The following RSRC1 variants were observed in gnomAD, a reference collection of about 807,000 sequenced individuals.
RSRC1 encodes serine/Arginine-related protein 53.
Under a neutral mutation model 49.1 loss-of-function variants are expected in RSRC1, and 39 were observed. That is an observed-to-expected ratio of 0.79 (90% CI 0.61 to 1.04). The LOEUF is 1.04. RSRC1 is among the 50% of genes least tolerant of loss of function. The pLI is 0.00. For synonymous variants in RSRC1, 143 were observed against 130.8 expected (o/e 1.09, Z -0.63); for missense variants, 388 against 402.4 (o/e 0.96, Z 0.31).
intron 4 of RSRC1, among the ~76,000 whole-genome samples, chr3:158,235,556 A>G (rs1295851711): frequency 6.6e-6 from 1 of 152,210 alleles, no homozygotes; most frequent in Non-Finnish European, 1.5e-5. Context: ...TGCATATGCT[A>G]TGGCATATGT....
At chr3:158,349,227 T>G (rs1459427227) in intron 5 of RSRC1, among the ~76,000 whole-genome samples, 2 of 152,206 alleles carry the variant, frequency 1.3e-5, no homozygotes, top group Non-Finnish European at 2.9e-5. Flanking sequence ...CCATGTTAAC[T>G]AACGTCTGTT....
intron 6 of RSRC1, among the ~76,000 whole-genome samples, chr3:158,422,440 G>A (rs1218769730): frequency 5.3e-5 from 8 of 151,590 alleles, no homozygotes; most frequent in Non-Finnish European, 1.2e-4. Context: ...ATTCCATGGT[G>A]TATATGTGCC....
rs372696192 is a variant in RSRC1, at chr3:158,396,941, T to C, written c.583+42033T>C. On this transcript the variant is annotated intron_variant, in intron 6 of 9. Coordinates refer to ENST00000611884, the MANE Select transcript of RSRC1 (RefSeq NM_001271838.2). ...ATACCTTTATTAACCCCATTTTACA[T>C]ATGAGAAAACAACAGTTTAGAAAGG... Among the ~76,000 whole-genome samples the C allele has an allele frequency of 7.2e-5, 11 of 152,278 alleles. No individual in the cohort carries two copies. The East Asian group carries it at 1.9e-3, about 27-fold the overall frequency.
intron 6 of RSRC1, among the ~76,000 whole-genome samples, chr3:158,364,537 T>G (rs1329420345): frequency 6.6e-6 from 1 of 152,182 alleles, no homozygotes; most frequent in Non-Finnish European, 1.5e-5. Flanking sequence ...TCCTGTAGTT[T>G]CCTCATCTGT....
At position 158,229,017 on chromosome 3, in the gene RSRC1, CAT is replaced by C. The variant is rs201501908; in HGVS notation, c.494+25774_494+25775del. On this transcript the variant is annotated intron_variant, in intron 4 of 9. Transcript: ENST00000611884. The stretch of plus-strand genomic sequence containing the variant: ...ACGTGTATATGTGTGTATAAACACA[CAT>C]ACGTGTATATGTGTGTATAAACACA... Among the ~76,000 whole-genome samples the C allele has an allele frequency of 8.5e-4, 91 of 107,604 alleles. 7 individuals are homozygous for C. The highest frequency in any genetic ancestry group is 5.5e-3 in the East Asian group (16 of 2,924). 70.6% of individuals were successfully genotyped at this position (107,604 alleles called of 152,430 possible). A position where few individuals can be genotyped will look rare whatever the true frequency, so the allele number is the denominator to read the frequency against.
chr3:158,290,477 G>A (rs188252594), intron 4 of RSRC1, among the ~76,000 whole-genome samples: 23 of 152,032 alleles, frequency 1.5e-4, no homozygotes, highest in African/African-American at 5.5e-4. Flanking sequence ...GGGTTTCATC[G>A]TGTTAGCCAG....
Position 158,439,672 on chromosome 3 carries a change from G to C in RSRC1, c.584-21263G>C, listed in dbSNP as rs141205933. Among the ~76,000 whole-genome samples, 529 of 152,174 alleles carry C rather than the reference G, an allele frequency of 3.5e-3. 5 individuals are homozygous for C. The highest frequency in any genetic ancestry group is 0.012 in the African/African-American group (499 of 41,504). ...CACACTGGGGCCTGTTGTGGGGTGG[G>C]GGGCTAGGAGAGGGATAGCATTAGG... On this transcript the variant is annotated intron_variant, in intron 6 of 9. Transcript: ENST00000611884.
rs1299418265 is a variant in RSRC1, at chr3:158,544,240, C to T, written c.970C>T (p.Arg324Ter). The T allele has an allele frequency of 2.2e-5, 35 of 1,612,024 alleles. No homozygotes were observed. The highest frequency in any genetic ancestry group is 5.5e-5 in the South Asian group (5 of 91,020). Reference sequence around the variant, plus strand: ...ATGGTTCAAGAGATTAATTGCTCTCCGACAAGAAAGACTAATGGGCAGTCC... The same window carrying T: ...ATGGTTCAAGAGATTAATTGCTCTCTGACAAGAAAGACTAATGGGCAGTCC... ...EKWFKRLIAL[R>*]QERLMGSPVA The change falls in exon 10 of 10, where the codon CGA (arginine) becomes TGA (stop). Residue 324 changes from arginine (R) to a stop codon, truncating the protein, a stop_gained. Transcript: ENST00000611884. LOFTEE classifies it high-confidence loss of function.
intron 3 of RSRC1, among the ~76,000 whole-genome samples, chr3:158,192,772 T>A (rs1435631136): frequency 1.3e-5 from 2 of 152,032 alleles, no homozygotes; most frequent in Non-Finnish European, 2.9e-5. Flanking sequence ...GGTCTTCCTG[T>A]TAATAGCAAA....
At chr3:158,461,487 C>G (rs1737609231) in intron 7 of RSRC1, among the ~76,000 whole-genome samples, 1 of 151,810 alleles carries the variant, frequency 6.6e-6, no homozygotes, top group Non-Finnish European at 1.5e-5. Flanking sequence ...AACATTTAGG[C>G]CATTCCCCCA....
chr3:158,496,255 C>T (rs1350676288), intron 7 of RSRC1, among the ~76,000 whole-genome samples: 1 of 152,046 alleles, frequency 6.6e-6, no homozygotes, highest in Non-Finnish European at 1.5e-5. Flanking sequence ...CTTGGGAGAT[C>T]GGATTTCTGT....
chr3:158,312,533 T>C (rs1233312913), intron 5 of RSRC1, among the ~76,000 whole-genome samples: 1 of 152,114 alleles, frequency 6.6e-6, no homozygotes, highest in South Asian at 2.1e-4. Flanking sequence ...TTCTTGTAAA[T>C]TATAAGTTTT....
At chr3:158,475,323 T>C (rs1738320051) in intron 7 of RSRC1, among the ~76,000 whole-genome samples, 2 of 152,138 alleles carry the variant, frequency 1.3e-5, no homozygotes, top group Admixed American at 6.6e-5. Flanking sequence ...AAACAAAACA[T>C]GGAGTGCACA....
intron 6 of RSRC1, among the ~76,000 whole-genome samples, chr3:158,441,831 C>T (rs1045678105): frequency 6.6e-6 from 1 of 152,036 alleles, no homozygotes; most frequent in Non-Finnish European, 1.5e-5. Context: ...AACAAACTTA[C>T]AGTATGCTCT....
rs57257889 is a variant in RSRC1, at chr3:158,118,413, C to CTGTGTGTGTGTGTG, written c.-2-3653_-2-3640dup. 1.0e-3 allele frequency among the ~76,000 whole-genome samples: 93 copies of CTGTGTGTGTGTGTG among 90,132 alleles called. 1 individual carries two copies. The highest frequency in any genetic ancestry group is 1.6e-3 in the Admixed American group (14 of 8,542). The allele number at this position is 90,132 out of a possible 152,430, so 59.1% of individuals were successfully genotyped here. ...CATGCCTAGCTAAGTACCTGGCCTT[C>CTGTGTGTGTGTGTG]TGTGTGTGTGTGTGTGTGTGTGTGT... is the stretch of plus-strand genomic sequence containing the variant. On this transcript the variant is annotated intron_variant, in intron 1 of 9. Transcript: ENST00000611884.
chr3:158,518,139 TATATA>T (rs1560073744), intron 7 of RSRC1, among the ~76,000 whole-genome samples: 6 of 116,352 alleles, frequency 5.2e-5, no homozygotes, highest in Non-Finnish European at 1.0e-4. Flanking sequence ...TATATATATA[TATATA>T]TATATTTTTT....
chr3:158,308,242 A>G (rs556077966), intron 5 of RSRC1, among the ~76,000 whole-genome samples: 5 of 152,098 alleles, frequency 3.3e-5, no homozygotes, highest in East Asian at 1.9e-4. Flanking sequence ...GTTGTTTCCA[A>G]TTGCACCAGT....
At chr3:158,138,024 T>C (rs954321220) in intron 3 of RSRC1, among the ~76,000 whole-genome samples, 12 of 152,250 alleles carry the variant, frequency 7.9e-5, no homozygotes, top group Admixed American at 2.0e-4. Context: ...ATTTTAGTGT[T>C]TCACATCTTG....
At chr3:158,344,171 A>G (rs1480307264) in intron 5 of RSRC1, among the ~76,000 whole-genome samples, 1 of 152,156 alleles carries the variant, frequency 6.6e-6, no homozygotes, top group Non-Finnish European at 1.5e-5. Context: ...AGGCAGGAGA[A>G]TTGCTTGAAC....
Sources: allele counts gnomAD v4.1 joint callset (sites outside exome capture counted in the v4.1 genomes callset), GRCh38; gene constraint gnomAD v4.1.1; transcripts MANE v1.5; gene names NCBI Gene and HGNC (gene_info 2026-07-23, HGNC 2026-07-21).